ACKR2: variants seen among roughly 807,000 people sequenced by gnomAD.
ACKR2 encodes C-C chemokine receptor D6.
For synonymous variants in ACKR2, 207 were observed against 192.2 expected, an observed-to-expected ratio of 1.08 and a Z score of -0.64; for missense variants, 457 against 477.3, an observed-to-expected ratio of 0.96 and a Z score of 0.40.
At chr3:42,829,802 C>T (rs1700911492) in intron 2 of ACKR2, among the ~76,000 whole-genome samples, 1 of 152,106 alleles carries the variant, frequency 6.6e-6, no homozygotes, top group Non-Finnish European at 1.5e-5. Flanking sequence ...GCAAATGAGA[C>T]ACAAAACAGA....
intron 1 of ACKR2, among the ~76,000 whole-genome samples, chr3:42,810,116 A>G (rs1187221507): frequency 6.6e-6 from 1 of 152,218 alleles, no homozygotes; most frequent in Non-Finnish European, 1.5e-5. Context: ...GTATTGACAT[A>G]GATATTTCCT....
chr3:42,865,728 TC>T lies in ACKR2; in HGVS notation c.*73del. 1 of 1,235,150 alleles carries T rather than the reference TC, an allele frequency of 8.1e-7. No homozygotes were observed. Among genetic ancestry groups the T allele is most frequent in the South Asian group, 1.5e-5 (1 of 67,904 alleles). The allele number at this position is 1,235,150 out of a possible 1,614,324, so 76.5% of individuals were successfully genotyped here. On this transcript the variant is annotated 3_prime_UTR_variant, in exon 3 of 3. Coordinates refer to ENST00000422265, the MANE Select transcript of ACKR2 (RefSeq NM_001296.5). ...TTGGGTGTCCACTCAAAGTGCTCTC[TC>T]CAGGGGCCTCAGTGACTGTGTTGCT...
chr3:42,854,148 G>C (rs1229060518), intron 2 of ACKR2, among the ~76,000 whole-genome samples: 1 of 152,186 alleles, frequency 6.6e-6, no homozygotes, highest in Non-Finnish European at 1.5e-5. Context: ...GTTTGGTCAA[G>C]CTCTGTGGGG....
intron 2 of ACKR2, among the ~76,000 whole-genome samples, chr3:42,841,234 G>A (rs547122354): frequency 2.6e-5 from 4 of 152,308 alleles, no homozygotes; most frequent in Admixed American, 1.3e-4. Flanking sequence ...ACAAGATCTA[G>A]CAGTGGGTCT....
At chr3:42,848,713 T>A (rs1344618064) in intron 2 of ACKR2, among the ~76,000 whole-genome samples, 1 of 152,202 alleles carries the variant, frequency 6.6e-6, no homozygotes, top group Admixed American at 6.5e-5. Context: ...AGTAGCAAGA[T>A]ACTTACTAAT....
In ACKR2 at chr3:42,865,716, C is replaced by T. The variant is rs1402850770; in HGVS notation, c.*59C>T. The stretch of plus-strand genomic sequence containing the variant: ...GAACCAGCTCAATTGGGTGTCCACT[C>T]AAAGTGCTCTCTCCAGGGGCCTCAG... On this transcript the variant is annotated 3_prime_UTR_variant, in exon 3 of 3. Coordinates refer to ENST00000422265, the MANE Select transcript of ACKR2 (RefSeq NM_001296.5). 2.2e-6 allele frequency: 3 copies of T among 1,387,404 alleles called. No individual in the cohort carries two copies. The highest frequency in any genetic ancestry group is 3.0e-6 in the Non-Finnish European group (3 of 1,005,638). 85.9% of individuals were successfully genotyped at this position (1,387,404 alleles called of 1,614,324 possible).
intron 2 of ACKR2, among the ~76,000 whole-genome samples, chr3:42,855,585 G>C (rs147152755): frequency 6.6e-6 from 1 of 152,098 alleles, no homozygotes; most frequent in Non-Finnish European, 1.5e-5. Flanking sequence ...AAAGTGATAG[G>C]AGGATGGTTG....
At chr3:42,815,677 A>G (rs950051077) in intron 1 of ACKR2, among the ~76,000 whole-genome samples, 3 of 152,230 alleles carry the variant, frequency 2.0e-5, no homozygotes, top group Non-Finnish European at 4.4e-5. Context: ...ATTCAAATCT[A>G]TCAGGTGTTT....
In ACKR2 at chr3:42,865,030, C is replaced by T; in HGVS notation, c.528C>T (p.Ser176=). The part of the protein sequence containing the change: ...TIVWAVSLAV[S]IPDMVFVQTH... ...TATGGGCTGTGTCCCTGGCCGTCTC[C>T]ATCCCTGATATGGTCTTTGTACAGA... The change falls in exon 3 of 3, where the codon TCC becomes TCT. Residue 176 remains serine, a synonymous_variant. Coordinates refer to ENST00000422265, the MANE Select transcript of ACKR2 (RefSeq NM_001296.5). The T allele has an allele frequency of 6.2e-7, 1 of 1,614,202 alleles. No homozygotes were observed. Among genetic ancestry groups the T allele is most frequent in the Non-Finnish European group, 8.5e-7 (1 of 1,180,042 alleles).
At chr3:42,832,408 G>C (rs1219281494) in intron 2 of ACKR2, among the ~76,000 whole-genome samples, 1 of 151,982 alleles carries the variant, frequency 6.6e-6, no homozygotes, top group Non-Finnish European at 1.5e-5. Flanking sequence ...AGAATCACTT[G>C]AACTGGGGAG....
At chr3:42,823,144 G>C in intron 2 of ACKR2, among the ~76,000 whole-genome samples, 1 of 152,294 alleles carries the variant, frequency 6.6e-6, no homozygotes, top group Non-Finnish European at 1.5e-5. Flanking sequence ...TGAAGTGGCG[G>C]GACAGTCTTC....
At chr3:42,821,754 T>A (rs913041876) in intron 2 of ACKR2, among the ~76,000 whole-genome samples, 7 of 152,028 alleles carry the variant, frequency 4.6e-5, no homozygotes, top group African/African-American at 1.7e-4. Flanking sequence ...TGGAGTGCAG[T>A]GGCGCTATCT....
rs1306544066 is a variant in ACKR2, at chr3:42,860,569, C to G, written c.-37-3897C>G. 2.0e-5 allele frequency among the ~76,000 whole-genome samples: 3 copies of G among 152,242 alleles called. No individual in the cohort carries two copies. In the East Asian group the frequency reaches 5.8e-4, roughly 29 times the overall value. ...ATACATTCTTCTCAGCATCCTGATA[C>G]CACAACATCACACTTATTCTAAAAC... On this transcript the variant is annotated intron_variant, in intron 2 of 2. Transcript: ENST00000422265.
In ACKR2 at chr3:42,835,535, G is replaced by C. The variant is rs199906376; in HGVS notation, c.-38+15824G>C. 8.0e-3 allele frequency: 1,059 copies of C among 131,714 alleles called. 6 individuals are homozygous for C. Among genetic ancestry groups the C allele is most frequent in the African/African-American group, 0.022 (777 of 35,980 alleles). 8.2% of individuals were successfully genotyped at this position (131,714 alleles called of 1,614,324 possible). A position where few individuals can be genotyped will look rare whatever the true frequency, so the allele number is the denominator to read the frequency against. On this transcript the variant is annotated intron_variant, in intron 2 of 2. Coordinates refer to ENST00000422265, the MANE Select transcript of ACKR2 (RefSeq NM_001296.5). ...CTTGAGTCTCACTCTCCTGAGTTTC[G>C]TGTTGTGATAAATTCTGTTTCCCAT...
chr3:42,862,577 G>C (rs2088395730), intron 2 of ACKR2, among the ~76,000 whole-genome samples: 1 of 152,094 alleles, frequency 6.6e-6, no homozygotes. Context: ...AAAGAAAAAA[G>C]CTGGAGGCAT....
At chr3:42,863,540 A>C (rs537317091) in intron 2 of ACKR2, among the ~76,000 whole-genome samples, 5 of 152,228 alleles carry the variant, frequency 3.3e-5, no homozygotes, top group African/African-American at 1.2e-4. Flanking sequence ...TAATCATTCT[A>C]CTATAAAGAC....
intron 2 of ACKR2, among the ~76,000 whole-genome samples, chr3:42,844,406 G>T (rs972002572): frequency 1.3e-5 from 2 of 152,122 alleles, no homozygotes; most frequent in African/African-American, 4.8e-5. Context: ...GGGAGGTGGG[G>T]TATTTAGGCA....
chr3:42,864,242 GTC>G (rs1004660431), intron 2 of ACKR2, among the ~76,000 whole-genome samples: 4 of 152,302 alleles, frequency 2.6e-5, no homozygotes, highest in African/African-American at 9.6e-5. Context: ...AAGAGTAAGT[GTC>G]CCAGAGTAAG....
At chr3:42,810,859 C>A (rs115071571) in intron 1 of ACKR2, among the ~76,000 whole-genome samples, 10 of 152,216 alleles carry the variant, frequency 6.6e-5, no homozygotes, top group Non-Finnish European at 1.5e-5. Context: ...ACACCGACTT[C>A]ATTTCCTCAT....
Sources: allele counts gnomAD v4.1 joint callset (sites outside exome capture counted in the v4.1 genomes callset), GRCh38; gene constraint gnomAD v4.1.1; transcripts MANE v1.5; gene names NCBI Gene and HGNC (gene_info 2026-07-23, HGNC 2026-07-21).